The following ARHGAP42 variants were observed in gnomAD, a reference collection of about 807,000 sequenced individuals.
ARHGAP42 encodes the protein rho GTPase-activating protein 42.
In ARHGAP42, 63 loss-of-function variants were observed where a neutral mutation model predicts 125.0. The ratio of observed to expected loss-of-function variants is 0.50; its 90% CI spans 0.41 to 0.62. The LOEUF (loss-of-function observed/expected upper bound fraction) is 0.62. Among genes scored for constraint, ARHGAP42 ranks in the 20% least tolerant of loss-of-function variants. The pLI is 0.00. For synonymous variants in ARHGAP42, 339 were observed against 351.0 expected (o/e 0.97, Z 0.38); for missense variants, 766 against 1,024.2 (o/e 0.75, Z 3.44).
At chr11:100,943,597 G>A (rs528443193) in intron 9 of ARHGAP42, among the ~76,000 whole-genome samples, 162 bp from the exon 10 acceptor site, 5 of 152,020 alleles carry the variant, frequency 3.3e-5, no homozygotes, top group East Asian at 3.9e-4. Context: ...TATTATGATC[G>A]GACAGCTAAC....
At position 100,752,823 on chromosome 11, in the gene ARHGAP42, A is replaced by G. The variant is rs533654893; in HGVS notation, c.155-17520A>G. Among the ~76,000 whole-genome samples the G allele has an allele frequency of 4.6e-5, 7 of 152,354 alleles. No individual in the cohort carries two copies. In the South Asian group the frequency reaches 1.4e-3, roughly 32 times the overall value. On this transcript the variant is annotated intron_variant, in intron 1 of 23. Transcript: ENST00000298815. ...CTGGTTAGCCAGGGTGGTGCAGGCT[A>G]TAGTGATAGCTCATGCACAAGTTTT... is the stretch of plus-strand genomic sequence containing the variant.
chr11:100,765,371 G>A (rs1162778015), intron 1 of ARHGAP42, among the ~76,000 whole-genome samples: 1 of 84,194 alleles, frequency 1.2e-5, no homozygotes, highest in Non-Finnish European at 3.0e-5. Flanking sequence ...TGGCAATGTG[G>A]TGAACTGGGG....
At chr11:100,764,360 A>C (rs1862782526) in intron 1 of ARHGAP42, among the ~76,000 whole-genome samples, 1 of 152,178 alleles carries the variant, frequency 6.6e-6, no homozygotes, top group African/African-American at 2.4e-5. Context: ...TTTGGGGATT[A>C]ACTATGATAT....
chr11:100,979,499 A>G (rs1212136963), intron 22 of ARHGAP42, among the ~76,000 whole-genome samples: 1 of 152,166 alleles, frequency 6.6e-6, no homozygotes, highest in Non-Finnish European at 1.5e-5. Flanking sequence ...TTTAGAGTAC[A>G]TAATTTCATT....
rs12289895 is a variant in ARHGAP42, at chr11:100,733,656, C to G, written c.155-36687C>G. On this transcript the variant is annotated intron_variant, in intron 1 of 23. Transcript: ENST00000298815. The stretch of plus-strand genomic sequence containing the variant: ...CTGGCCAACATGGTGAAACCCCCAT[C>G]TCTACTAAAAATAGAAAAATTTGCT... Among the ~76,000 whole-genome samples the G allele has an allele frequency of 7.2e-5, 11 of 151,856 alleles. No individual in the cohort carries two copies. The South Asian group carries it at 1.9e-3, about 26-fold the overall frequency.
At chr11:100,967,237 C>CT (rs538170934) in intron 17 of ARHGAP42, among the ~76,000 whole-genome samples, 249 of 152,296 alleles carry the variant, frequency 1.6e-3, no homozygotes, top group African/African-American at 5.9e-3. Context: ...TTAATTAACT[C>CT]TGAGTAACAG....
chr11:100,798,914 T>C (rs1229434046), intron 3 of ARHGAP42, among the ~76,000 whole-genome samples: 1 of 152,208 alleles, frequency 6.6e-6, no homozygotes, highest in Non-Finnish European at 1.5e-5. Context: ...GTACATTTCC[T>C]GAGCTGGGGA....
intron 12 of ARHGAP42, among the ~76,000 whole-genome samples, chr11:100,958,036 A>G (rs1037995046): frequency 6.6e-6 from 1 of 152,066 alleles, no homozygotes; most frequent in African/African-American, 2.4e-5. Flanking sequence ...TCTAGTACCA[A>G]ACATTTTAAA....
chr11:100,816,692 C>T (rs983489540), intron 3 of ARHGAP42: 2 of 152,170 alleles, frequency 1.3e-5, no homozygotes, highest in Non-Finnish European at 2.9e-5. Context: ...ACAATAATTT[C>T]CTTTGCCTTT....
At chr11:100,696,045 G>A (rs989143269) in intron 1 of ARHGAP42, among the ~76,000 whole-genome samples, 7 of 152,112 alleles carry the variant, frequency 4.6e-5, no homozygotes, top group African/African-American at 1.7e-4. Flanking sequence ...GCAACATGAC[G>A]AAACCCCATC....
chr11:100,690,237 G>A (rs566002974), intron 1 of ARHGAP42, among the ~76,000 whole-genome samples: 1 of 151,918 alleles, frequency 6.6e-6, no homozygotes, highest in Non-Finnish European at 1.5e-5. Context: ...TCCATTACCC[G>A]TTTCAGTTTT....
At chr11:100,778,886 T>G (rs981731030) in intron 2 of ARHGAP42, among the ~76,000 whole-genome samples, 1 of 152,206 alleles carries the variant, frequency 6.6e-6, no homozygotes, top group African/African-American at 2.4e-5. Flanking sequence ...CCTCATTCTT[T>G]TTTTGTGACT....
At chr11:100,708,425 A>G (rs1193581415) in intron 1 of ARHGAP42, among the ~76,000 whole-genome samples, 1 of 152,174 alleles carries the variant, frequency 6.6e-6, no homozygotes, top group Non-Finnish European at 1.5e-5. Context: ...AAGCAGGAGG[A>G]TCACCTGAGC....
intron 1 of ARHGAP42, among the ~76,000 whole-genome samples, chr11:100,730,070 A>G (rs1473171986): frequency 6.6e-6 from 1 of 152,032 alleles, no homozygotes; most frequent in Non-Finnish European, 1.5e-5. Flanking sequence ...CGGCCTCCCA[A>G]AGTGCTGGGA....
intron 5 of ARHGAP42, among the ~76,000 whole-genome samples, chr11:100,919,867 T>G (rs563514131): frequency 8.9e-4 from 136 of 152,336 alleles, no homozygotes; most frequent in Non-Finnish European, 1.7e-3. Flanking sequence ...CATTCTGTGA[T>G]GTTGAGTTTG....
Position 100,992,319 on chromosome 11 carries a change from A to G in ARHGAP42, c.*3518A>G, listed in dbSNP as rs73578094. On this transcript the variant is annotated 3_prime_UTR_variant, in exon 24 of 24. Transcript: ENST00000298815. ...CTCACAGCTGTTAGCATGACCTCAC[A>G]TCACTGCGTAGGACCCGGAAATCAC... 8.2e-5 allele frequency: 131 copies of G among 1,601,144 alleles called. No individual in the cohort carries two copies. In the African/African-American group the frequency reaches 9.1e-4, roughly 11 times the overall value.
At chr11:100,748,309 A>G (rs913061474) in intron 1 of ARHGAP42, among the ~76,000 whole-genome samples, 6 of 152,210 alleles carry the variant, frequency 3.9e-5, no homozygotes, top group African/African-American at 1.4e-4. Context: ...CAATTTTCCT[A>G]ACAGAGCTTC....
chr11:100,863,037 CAAAA>C (rs71053151), intron 4 of ARHGAP42, among the ~76,000 whole-genome samples: 1 of 112,468 alleles, frequency 8.9e-6, no homozygotes, highest in African/African-American at 3.4e-5. Context: ...AACTCCGTCT[CAAAA>C]AAAAAAAAAA....
chr11:100,859,423 G>A (rs1322093108), intron 3 of ARHGAP42, 131 bp from the exon 4 acceptor site: 1 of 670,282 alleles, frequency 1.5e-6, no homozygotes, highest in Non-Finnish European at 2.5e-6. Context: ...TATATAACAT[G>A]TAAGTTGTTT....
Sources: allele counts gnomAD v4.1 joint callset (sites outside exome capture counted in the v4.1 genomes callset), GRCh38; gene constraint gnomAD v4.1.1; transcripts MANE v1.5; gene names NCBI Gene and HGNC (gene_info 2026-07-23, HGNC 2026-07-21).